MARF1: variants seen among roughly 807,000 people sequenced by gnomAD.
The protein encoded by MARF1 is meiosis regulator and mRNA stability factor 1, also known as limkain-b1.
Under a neutral mutation model 168.2 loss-of-function variants are expected in MARF1, and 24 were observed. The ratio of observed to expected loss-of-function variants is 0.14; its 90% CI spans 0.10 to 0.20. The LOEUF is 0.20. MARF1 is among the 10% of genes least tolerant of loss of function. The pLI, the probability that MARF1 is intolerant of heterozygous loss-of-function variation, is 1.00. For synonymous variants in MARF1, 868 were observed against 822.4 expected, an observed-to-expected ratio of 1.06 and a Z score of -0.95; for missense variants, 1,744 against 2,143.6, an observed-to-expected ratio of 0.81 and a Z score of 3.68.
intron 5 of MARF1, among the ~76,000 whole-genome samples, 179 bp from the exon 6 acceptor site, chr16:15,631,677 T>C (rs1040621064): frequency 1.3e-5 from 2 of 152,204 alleles, no homozygotes; most frequent in Non-Finnish European, 2.9e-5. Flanking sequence ...GCTGCACCTA[T>C]CAACCCATCA....
intron 2 of MARF1, among the ~76,000 whole-genome samples, chr16:15,637,356 G>A (rs1046779377): frequency 6.6e-6 from 1 of 152,214 alleles, no homozygotes; most frequent in African/African-American, 2.4e-5. Context: ...CACAGCATAT[G>A]AGGGTCCATC....
intron 10 of MARF1, among the ~76,000 whole-genome samples, chr16:15,624,017 T>A (rs755736278): frequency 2.0e-5 from 3 of 150,684 alleles, no homozygotes; most frequent in Non-Finnish European, 4.4e-5. Flanking sequence ...GTTCATGCCA[T>A]TCTCCTGCCT....
intron 25 of MARF1, 52 bp downstream of exon 25, chr16:15,600,376 C>T (rs1352896577): frequency 1.4e-5 from 23 of 1,609,850 alleles, no homozygotes; most frequent in East Asian, 4.5e-5. Flanking sequence ...ACCCCAAAGC[C>T]GTTTCTCCTA....
intron 15 of MARF1, 56 bp from the exon 16 acceptor site, chr16:15,616,061 G>A: frequency 7.4e-7 from 1 of 1,353,804 alleles, no homozygotes; most frequent in Middle Eastern, 2.0e-4. Context: ...TAACAGAAAA[G>A]GAGGCGCTTG....
intron 22 of MARF1, chr16:15,602,690 CTA>C: frequency 2.2e-6 from 1 of 454,704 alleles, no homozygotes; most frequent in South Asian, 1.6e-5. Flanking sequence ...CAAGAGAAGG[CTA>C]TAGCCTCCAG....
intron 12 of MARF1, among the ~76,000 whole-genome samples, chr16:15,621,173 C>T (rs2151184609): frequency 6.6e-6 from 1 of 152,132 alleles, no homozygotes; most frequent in Admixed American, 6.5e-5. Flanking sequence ...GATCTCTGAT[C>T]ATCCAAGGAA....
At chr16:15,625,940 A>G in intron 7 of MARF1, 140 bp from the exon 8 acceptor site, 2 of 659,270 alleles carry the variant, frequency 3.0e-6, no homozygotes, top group South Asian at 1.9e-5. Context: ...GGGAGAGGGT[A>G]AATTATTTAG....
In MARF1 at chr16:15,621,745, A is replaced by G; in HGVS notation, c.2627T>C (p.Leu876Pro). The change falls in exon 12 of 27, where the codon CTC becomes CCC. Residue 876 changes from leucine to proline, a missense_variant. By Grantham distance (98) the Leu-to-Pro change is moderately conservative (BLOSUM62 -3). Coordinates refer to ENST00000396368, the MANE Select transcript of MARF1 (RefSeq NM_014647.4). Reference protein sequence around the residue: ...SLATGAASKSLSLLSAETMSV... With the variant: ...SLATGAASKSPSLLSAETMSV... ...GCTTGTTTCTTACCTCAGTAAAGAG[A>G]GTGATTTGCTGGCAGCCCCGGTGGC... 1.2e-6 allele frequency: 2 copies of G among 1,613,924 alleles called. No homozygotes were observed. Among genetic ancestry groups the G allele is most frequent in the Non-Finnish European group, 8.5e-7 (1 of 1,179,942 alleles).
chr16:15,610,407 C>G (rs1249937452), intron 19 of MARF1: 1 of 152,908 alleles, frequency 6.5e-6, no homozygotes, highest in Non-Finnish European at 1.5e-5. Context: ...CCAAAATCCG[C>G]ACCTACTCAA....
intron 10 of MARF1, 64 bp from the exon 11 acceptor site, chr16:15,623,187 T>A: frequency 7.7e-7 from 1 of 1,305,470 alleles, no homozygotes; most frequent in South Asian, 2.0e-5. Flanking sequence ...GATTTTATCA[T>A]TTAGGCTTTG....
In MARF1 at chr16:15,615,952, T is replaced by C. The variant is rs1454513995; in HGVS notation, c.3131A>G (p.Asn1044Ser). The C allele has an allele frequency of 1.5e-5, 24 of 1,575,838 alleles. No homozygotes were observed. Among genetic ancestry groups the C allele is most frequent in the Non-Finnish European group, 2.0e-5 (23 of 1,158,774 alleles). ...EFGDLEVVQENQGGVPLEHFI... is the reference protein window; with the variant it reads ...EFGDLEVVQESQGGVPLEHFI... ...GTGTTCTAAGGGAACACCTCCTTGG[T>C]TTTCTTGCACTACTTCTAGATCGCC... The change falls in exon 16 of 27, where the codon AAC (asparagine) becomes AGC (serine). Residue 1044 changes from asparagine to serine, a missense_variant. Coordinates refer to ENST00000396368, the MANE Select transcript of MARF1 (RefSeq NM_014647.4).
At chr16:15,618,426 G>A (rs2034219297) in intron 13 of MARF1, among the ~76,000 whole-genome samples, 2 of 152,164 alleles carry the variant, frequency 1.3e-5, no homozygotes, top group Non-Finnish European at 2.9e-5. Flanking sequence ...CTCAGGAGCT[G>A]CTTCTGCTGT....
intron 7 of MARF1, among the ~76,000 whole-genome samples, chr16:15,629,260 G>C (rs1014041699): frequency 6.6e-6 from 1 of 152,170 alleles, no homozygotes; most frequent in African/African-American, 2.4e-5. Context: ...TTAGGAAAGA[G>C]CCTCAAAAGA....
intron 23 of MARF1, chr16:15,601,723 G>A (rs1466647462): frequency 5.5e-6 from 3 of 545,676 alleles, no homozygotes; most frequent in Non-Finnish European, 9.8e-6. Flanking sequence ...CCTGCTTGGG[G>A]GTCTTGACTC....
chr16:15,598,125 C>T lies in MARF1; in HGVS notation c.4984+729G>A, dbSNP rs534502901. Among the ~76,000 whole-genome samples the T allele has an allele frequency of 2.0e-5, 3 of 152,286 alleles. No individual in the cohort carries two copies. In the South Asian group the frequency reaches 6.2e-4, roughly 32 times the overall value. On this transcript the variant is annotated intron_variant, in intron 26 of 26. Coordinates refer to ENST00000396368, the MANE Select transcript of MARF1 (RefSeq NM_014647.4). ...GTACAGGGCAGATGGGCCATCCTCT[C>T]CAGAGGCCAGGAGACACCGCAGGAC...
chr16:15,638,225 C>A (rs1402960542), intron 2 of MARF1, among the ~76,000 whole-genome samples: 5 of 152,136 alleles, frequency 3.3e-5, no homozygotes, highest in Non-Finnish European at 5.9e-5. Flanking sequence ...TACAGTCTCA[C>A]TTGAATCCCA....
At chr16:15,640,066 C>T (rs1252272162) in intron 1 of MARF1, among the ~76,000 whole-genome samples, 1 of 152,156 alleles carries the variant, frequency 6.6e-6, no homozygotes, top group Non-Finnish European at 1.5e-5. Flanking sequence ...CTCTCTCTCC[C>T]TAAAGATGCT....
intron 25 of MARF1, among the ~76,000 whole-genome samples, chr16:15,599,398 C>T (rs762533345): frequency 6.6e-6 from 1 of 152,092 alleles, no homozygotes; most frequent in Non-Finnish European, 1.5e-5. Flanking sequence ...GGCCTGGTTC[C>T]GTGGCTTCCT....
At chr16:15,605,471 G>A (rs1567536229) in intron 21 of MARF1, among the ~76,000 whole-genome samples, 1 of 152,222 alleles carries the variant, frequency 6.6e-6, no homozygotes, top group South Asian at 2.1e-4. Flanking sequence ...TTATGGGACT[G>A]TATAGATTTC....
Sources: gnomAD v4.1 joint callset for allele counts (sites outside exome capture counted in the v4.1 genomes callset) on GRCh38, gnomAD v4.1.1 for gene constraint, MANE v1.5 for transcripts, NCBI Gene and HGNC (gene_info 2026-07-23, HGNC 2026-07-21) for gene names.